HTR2C: variants seen among roughly 807,000 people sequenced by gnomAD.
HTR2C encodes the protein 5-hydroxytryptamine (serotonin) receptor 2C, G protein-coupled.
A neutral mutation model predicts 21.0 loss-of-function variants in HTR2C; 5 were observed. The observed-to-expected ratio is 0.24, with a 90% CI of 0.12 to 0.50. HTR2C has a LOEUF of 0.50. Among genes scored for constraint, HTR2C ranks in the 20% least tolerant of loss-of-function variants. HTR2C has a pLI of 0.98. For missense variants in HTR2C, 271 were observed against 371.2 expected (o/e 0.73, Z 2.22); for synonymous variants, 150 against 145.3 (o/e 1.03, Z -0.23).
chrX:114,679,171 A>G (rs1931666069), intron 2 of HTR2C, among the ~76,000 whole-genome samples: 1 of 111,480 alleles, frequency 9.0e-6, no homozygotes. Flanking sequence ...TTCTTATTCC[A>G]TACTTAATAG....
At chrX:114,647,270 G>A (rs782578499) in intron 2 of HTR2C, among the ~76,000 whole-genome samples, 54 of 111,659 alleles carry the variant, frequency 4.8e-4, no homozygotes, top group Non-Finnish European at 9.0e-4. Flanking sequence ...AGTATTTGAG[G>A]TTCTGGCTAT....
At chrX:114,718,943 T>C (rs1429571003) in intron 2 of HTR2C, among the ~76,000 whole-genome samples, 2 of 98,293 alleles carry the variant, frequency 2.0e-5, no homozygotes, top group South Asian at 4.1e-4. Flanking sequence ...TAATATAATA[T>C]AAATTATATT....
intron 2 of HTR2C, among the ~76,000 whole-genome samples, chrX:114,620,424 C>A (rs1929113213): frequency 9.0e-6 from 1 of 111,677 alleles, no homozygotes; most frequent in Admixed American, 9.6e-5. Flanking sequence ...TGAGTTATAG[C>A]ATAATTTATA....
intron 2 of HTR2C, among the ~76,000 whole-genome samples, chrX:114,699,866 T>C (rs782315778): frequency 8.9e-6 from 1 of 112,660 alleles, no homozygotes; most frequent in East Asian, 2.8e-4. Flanking sequence ...TCTGTATTTC[T>C]TATGATCATA....
intron 2 of HTR2C, among the ~76,000 whole-genome samples, chrX:114,716,784 G>A (rs1386207181): frequency 9.0e-6 from 1 of 111,299 alleles, no homozygotes; most frequent in Non-Finnish European, 1.9e-5. Flanking sequence ...TTAGTCCTAA[G>A]GATAATTTTT....
At chrX:114,642,010 C>A (rs1930153801) in intron 2 of HTR2C, among the ~76,000 whole-genome samples, 1 of 111,512 alleles carries the variant, frequency 9.0e-6, no homozygotes, top group Non-Finnish European at 1.9e-5. Flanking sequence ...ATTTTCTGTT[C>A]CCGTGTTACT....
intron 4 of HTR2C, among the ~76,000 whole-genome samples, chrX:114,808,580 C>T (rs2070501403): frequency 9.0e-6 from 1 of 111,483 alleles, no homozygotes. Context: ...TACATTTCCA[C>T]CAACAGTGTA....
chrX:114,844,387 C>T (rs2070858519), intron 4 of HTR2C, among the ~76,000 whole-genome samples: 1 of 110,884 alleles, frequency 9.0e-6, no homozygotes, highest in Non-Finnish European at 1.9e-5. Context: ...GAGAAAGAGA[C>T]AAGAAGAGAA....
intron 4 of HTR2C, among the ~76,000 whole-genome samples, chrX:114,778,552 C>CAAA (rs10708551): frequency 9.6e-6 from 1 of 103,739 alleles, no homozygotes; most frequent in South Asian, 4.4e-4. Flanking sequence ...CAGCCTTTTC[C>CAAA]AAAAAAAAAC....
chrX:114,687,777 A>T (rs12849493), intron 2 of HTR2C, among the ~76,000 whole-genome samples: 14,754 of 111,220 alleles, frequency 0.13, 802 homozygotes, highest in South Asian at 0.31. Flanking sequence ...TACACAATTT[A>T]TTTTGTCTGC....
At chrX:114,714,073 T>G (rs1410792876) in intron 2 of HTR2C, among the ~76,000 whole-genome samples, 2 of 112,022 alleles carry the variant, frequency 1.8e-5, no homozygotes, top group Non-Finnish European at 3.8e-5. Flanking sequence ...ATTTTAGCTT[T>G]AATTACACTG....
chrX:114,589,485 T>C (rs1162525684), intron 1 of HTR2C: 1 of 117,749 alleles, frequency 8.5e-6, no homozygotes, highest in Non-Finnish European at 1.7e-5. Flanking sequence ...AGGCCATTCA[T>C]ATTTGTCATT....
chrX:114,716,661 T>A (rs1412899625), intron 2 of HTR2C, among the ~76,000 whole-genome samples: 5 of 111,905 alleles, frequency 4.5e-5, no homozygotes, highest in African/African-American at 1.3e-4. Flanking sequence ...ATAAAAATTA[T>A]CTGATTTGAC....
intron 2 of HTR2C, among the ~76,000 whole-genome samples, chrX:114,693,670 GACATCTTCAAA>G (rs1932177327): frequency 9.0e-6 from 1 of 111,211 alleles, no homozygotes; most frequent in East Asian, 2.8e-4. Context: ...AATGACTCCA[GACATCTTCAAA>G]TATCTCCTCA....
rs186492271 is a variant in HTR2C at position 114,599,887 on chromosome X, T to G, written c.-146-13928T>G. ...TTGATAGGTAGTTTGAATTTTCTAT[T>G]TACTCAAACTTATGTCAGTAATGTT... On this transcript the variant is annotated intron_variant, in intron 1 of 5. Transcript: ENST00000276198. Among the ~76,000 whole-genome samples the G allele has an allele frequency of 2.4e-3, 265 of 112,025 alleles. 1 individual carries two copies. Among genetic ancestry groups the G allele is most frequent in the Non-Finnish European group, 3.5e-3 (188 of 53,099 alleles).
intron 4 of HTR2C, among the ~76,000 whole-genome samples, chrX:114,835,771 G>A (rs2070775699): frequency 9.0e-6 from 1 of 111,704 alleles, no homozygotes; most frequent in Non-Finnish European, 1.9e-5. Flanking sequence ...CTTTTGAGGA[G>A]GAGAGGCGCT....
chrX:114,655,303 T>A (rs1556409122), intron 2 of HTR2C, among the ~76,000 whole-genome samples: 1 of 111,307 alleles, frequency 9.0e-6, no homozygotes, highest in East Asian at 2.8e-4. Flanking sequence ...TCAGACCAAG[T>A]TACCATGGCA....
rs782057917 is a variant in HTR2C at position 114,793,099 on chromosome X, G to A, written c.350-54904G>A. Among the ~76,000 whole-genome samples the A allele has an allele frequency of 3.2e-4, 36 of 111,479 alleles. No individual in the cohort carries two copies. The East Asian group carries it at 9.9e-3, about 31-fold the overall frequency. ...GTCTGATGATAGGATTTGTGTGTGT[G>A]TGCTGTGCAGGAGCTCTTTAGTTTA... On this transcript the variant is annotated intron_variant, in intron 4 of 5. Transcript: ENST00000276198.
At chrX:114,829,280 T>C (rs1380338692) in intron 4 of HTR2C, among the ~76,000 whole-genome samples, 4 of 111,734 alleles carry the variant, frequency 3.6e-5, no homozygotes, top group African/African-American at 1.3e-4. Context: ...TGGTTTCTCA[T>C]GGTGGTTTTC....
Sources: gnomAD v4.1 joint callset for allele counts (sites outside exome capture counted in the v4.1 genomes callset) on GRCh38, gnomAD v4.1.1 for gene constraint, MANE v1.5 for transcripts, NCBI Gene and HGNC (gene_info 2026-07-23, HGNC 2026-07-21) for gene names.